Variants in EVPL observed in about 807,000 individuals in gnomAD.
EVPL encodes the protein envoplakin.
A neutral mutation model predicts 129.7 loss-of-function variants in EVPL; 94 were observed. That is an observed-to-expected ratio of 0.72 (90% CI 0.61 to 0.86). EVPL has a LOEUF of 0.86. Ranked by LOEUF, EVPL falls within the 40% of genes least tolerant of loss-of-function variation. The probability of loss-of-function intolerance (pLI) is 0.00; values close to 1 mark genes in which losing one functional copy is unlikely to be tolerated. For synonymous variants in EVPL, 1,172 were observed against 1,191.1 expected (o/e 0.98, Z 0.33); for missense variants, 2,625 against 2,721.1 (o/e 0.96, Z 0.79).
At chr17:76,021,638 C>G (rs1555625504) in intron 8 of EVPL, 36 bp downstream of exon 8, 4 of 1,567,060 alleles carry the variant, frequency 2.6e-6, no homozygotes, top group Non-Finnish European at 3.5e-6. Flanking sequence ...CCCCGCCCAC[C>G]ACGTCCCTTC....
At position 76,024,252 on chromosome 17, in the gene EVPL, C is replaced by G. The variant is rs1598246531; in HGVS notation, c.99-132G>C. On this transcript the variant is annotated intron_variant, in intron 1 of 21. Coordinates refer to ENST00000301607, the MANE Select transcript of EVPL (RefSeq NM_001988.4). The surrounding 1 kb of genome is among the most constrained non-coding windows in gnomAD (Gnocchi z 4.5). ...TAGCTCACTGCCCTGACTTTGGGGT[C>G]TCTCTCTGCAGAAGGCTCTGTGAGC... The G allele has an allele frequency of 1.2e-6, 1 of 814,586 alleles. No homozygotes were observed. The highest frequency in any genetic ancestry group is 2.0e-6 in the Non-Finnish European group (1 of 502,212). 50.5% of individuals were successfully genotyped at this position (814,586 alleles called of 1,614,324 possible).
rs1217132715 is a variant in EVPL at position 76,022,253 on chromosome 17, G to T, written c.607-26C>A. 4 of 1,612,814 alleles carry T rather than the reference G, an allele frequency of 2.5e-6. No homozygotes were observed. Among genetic ancestry groups the T allele is most frequent in the Non-Finnish European group, 3.4e-6 (4 of 1,179,712 alleles). ...CTGCCTCGACCAAGGGGAGAAACAA[G>T]CCCGTGAGAGGTGGGGTGCAGGGAG... On this transcript the variant is annotated intron_variant, in intron 5 of 21. Transcript: ENST00000301607. The surrounding 1 kb of genome is among the most constrained non-coding windows in gnomAD (Gnocchi z 5.6).
At chr17:76,015,130 G>A in intron 16 of EVPL, 21 bp from the exon 17 acceptor site, 1 of 1,569,316 alleles carries the variant, frequency 6.4e-7, no homozygotes, top group Non-Finnish European at 8.6e-7. Context: ...AGGGGACGCA[G>A]CCGTGCACCC....
In EVPL at chr17:76,008,443, C is replaced by A; in HGVS notation, c.4762G>T (p.Ala1588Ser). 6.3e-7 allele frequency: 1 copy of A among 1,592,072 alleles called. No homozygotes were observed. Among genetic ancestry groups the A allele is most frequent in the South Asian group, 1.1e-5 (1 of 89,836 alleles). Reference sequence around the variant, plus strand: ...TGCAGCCGCCCACACTCCTGGTCGGCCTGGTCCCGGGCCCTCTGCAGCTCG... The same window carrying A: ...TGCAGCCGCCCACACTCCTGGTCGGACTGGTCCCGGGCCCTCTGCAGCTCG... ...ESELQRARDQADQECGRLQQE... is the reference protein window; with the variant it reads ...ESELQRARDQSDQECGRLQQE... The change falls in exon 22 of 22, where the codon GCC (alanine) becomes TCC (serine). Residue 1588 changes from alanine to serine, a missense_variant. Coordinates refer to ENST00000301607, the MANE Select transcript of EVPL (RefSeq NM_001988.4). The surrounding 1 kb of genome is among the most constrained non-coding windows in gnomAD (Gnocchi z 7.4).
In EVPL at chr17:76,013,545, C is replaced by T. The variant is rs2066394626; in HGVS notation, c.2373+881G>A. 1.3e-5 allele frequency among the ~76,000 whole-genome samples: 2 copies of T among 152,174 alleles called. No homozygotes were observed. The highest frequency in any genetic ancestry group is 4.8e-5 in the African/African-American group (2 of 41,436). On this transcript the variant is annotated intron_variant, in intron 18 of 21. Coordinates refer to ENST00000301607, the MANE Select transcript of EVPL (RefSeq NM_001988.4). This position sits in a 1 kb window ranked among gnomAD's most constrained non-coding sequence, Gnocchi z 4.3. ...GCCTCAAGTGGAGGTGCCCCCTCTT[C>T]CCAGTTGTCCCCAACAGAACCCTGG...
intron 9 of EVPL, 42 bp downstream of exon 9, chr17:76,021,426 C>CCTGCCGCCCCTGCCGCCCCTGCCGCCT: frequency 6.4e-7 from 1 of 1,565,526 alleles, no homozygotes. Flanking sequence ...CCCTGCCGCC[C>CCTGCCGCCCCTGCCGCCCCTGCCGCCT]CTGCCGCCCC....
Position 76,009,906 on chromosome 17 carries a change from T to C in EVPL, c.3299A>G (p.Glu1100Gly), listed in dbSNP as rs980355073. 1.2e-6 allele frequency: 2 copies of C among 1,614,034 alleles called. No individual in the cohort carries two copies. The highest frequency in any genetic ancestry group is 1.7e-6 in the Non-Finnish European group (2 of 1,180,026). ...CTGCTTCCTCCGCGCAGCATCCTCC[T>C]CCATCTGCAGCCTCAGAGCCTGGGC... Reference protein sequence around the residue: ...KAAQALRLQMEEDAARRKQAE... With the variant: ...KAAQALRLQMGEDAARRKQAE... Residue 1100 changes from glutamate (E) to glycine (G), a missense_variant, in exon 22 of 22, where the codon GAG (glutamate) becomes GGG (glycine). Around this residue, in one of 4 missense-constraint regions of EVPL, gnomAD observed 1,453 missense variants for 1,511.8 expected, o/e 0.96. Transcript: ENST00000301607. This position sits in a 1 kb window ranked among gnomAD's most constrained non-coding sequence, Gnocchi z 5.9.
At chr17:76,026,628 C>T (rs1321811838) in intron 1 of EVPL, among the ~76,000 whole-genome samples, 4 of 152,192 alleles carry the variant, frequency 2.6e-5, no homozygotes, top group Non-Finnish European at 5.9e-5. Flanking sequence ...GATCCCACCC[C>T]GTCCCCTCAG....
rs966639247 is a variant in EVPL, at chr17:76,006,987, CAG to C, written c.*114_*115del. The C allele has an allele frequency of 2.5e-5, 28 of 1,142,842 alleles. No individual in the cohort carries two copies. The highest frequency in any genetic ancestry group is 1.7e-4 in the African/African-American group (11 of 63,132). 70.8% of individuals were successfully genotyped at this position (1,142,842 alleles called of 1,614,324 possible). On this transcript the variant is annotated 3_prime_UTR_variant, in exon 22 of 22. Coordinates refer to ENST00000301607, the MANE Select transcript of EVPL (RefSeq NM_001988.4). The stretch of plus-strand genomic sequence containing the variant: ...TCACCATGTTAGTAAAATAATAAAA[CAG>C]TGGTTGGACAGAGGGAAGACCCACT...
chr17:76,014,416 C>T lies in EVPL; in HGVS notation c.2373+10G>A, dbSNP rs970596913. 5.0e-6 allele frequency: 8 copies of T among 1,605,946 alleles called. No individual in the cohort carries two copies. The highest frequency in any genetic ancestry group is 1.3e-5 in the African/African-American group (1 of 74,750). ...ATGGGCACAGGCAGCTGTCCCTGCC[C>T]CAGCCTCACCTTCTGCGCCTGCAGC... On this transcript the variant is annotated intron_variant, in intron 18 of 21. Coordinates refer to ENST00000301607, the MANE Select transcript of EVPL (RefSeq NM_001988.4).
At position 76,024,120 on chromosome 17, in the gene EVPL, C is replaced by T; in HGVS notation, c.99G>A (p.Arg33=). 2 of 1,613,306 alleles carry T rather than the reference C, an allele frequency of 1.2e-6. No homozygotes were observed. Among genetic ancestry groups the T allele is most frequent in the South Asian group, 1.1e-5 (1 of 90,932 alleles). ...SPKGSPSRHS[R]AATQELALLI... is the part of the protein sequence containing the mutation. The stretch of plus-strand genomic sequence containing the variant: ...GAAGGGCCAGCTCCTGGGTGGCAGC[C>T]CTAGTGTGTGGAGGGGACAGCGGGT... Residue 33 remains arginine (R), a splice_region_variant and synonymous_variant, in exon 2 of 22, where the codon CGG becomes CGA. Transcript: ENST00000301607. This position sits in a 1 kb window ranked among gnomAD's most constrained non-coding sequence, Gnocchi z 4.5.
At position 76,007,492 on chromosome 17, in the gene EVPL, C is replaced by T. The variant is rs533991705; in HGVS notation, c.5713G>A (p.Gly1905Ser). 104 of 1,613,140 alleles carry T rather than the reference C, an allele frequency of 6.4e-5. No individual in the cohort carries two copies. In the South Asian group the frequency reaches 1.0e-3, roughly 16 times the overall value. The stretch of plus-strand genomic sequence containing the variant: ...TTCTTGGTGACGGGGTCCTCGATGC[C>T]GGTGAAGGCCTTCTGGGCGTTAAGC... ...RLLNAQKAFT[G>S]IEDPVTKKRL... Residue 1905 changes from glycine to serine, a missense_variant, in exon 22 of 22, where the codon GGC becomes AGC. This residue lies in a region of EVPL where 1,453 missense variants were observed against 1,511.8 expected (regional missense o/e 0.96). Transcript: ENST00000301607. The surrounding 1 kb of genome is among the most constrained non-coding windows in gnomAD (Gnocchi z 8.8).
In EVPL at chr17:76,019,551, TGGGGGCGCC is replaced by T. The variant is rs1464348683; in HGVS notation, c.1105_1113del (p.Gly369_Pro371del). On this transcript the variant is annotated inframe_deletion, in exon 10 of 22. Transcript: ENST00000301607. ...ACCTCCAGCTGTTGCAGCAGCTCTG[TGGGGGCGCC>T]AGGGGGGCCCCCAGGTGCAGGGCTG... The T allele has an allele frequency of 2.5e-6, 4 of 1,570,874 alleles. No individual in the cohort carries two copies. The highest frequency in any genetic ancestry group is 3.4e-6 in the Non-Finnish European group (4 of 1,163,110).
Position 76,015,301 on chromosome 17 carries a change from C to A in EVPL, c.1954G>T (p.Glu652Ter). The A allele has an allele frequency of 1.2e-6, 2 of 1,602,292 alleles. No individual in the cohort carries two copies. The highest frequency in any genetic ancestry group is 1.1e-5 in the South Asian group (1 of 90,520). ...QDADRVIRGFEATLVQEAPIP... is the reference protein window; with the variant it reads ...QDADRVIRGF ...GGGGCCTCCTGCACCAGGGTGGCCTCGAAGCCTCGGATGACCCTGTCCGCA... is the reference window on the plus strand; with the variant it reads ...GGGGCCTCCTGCACCAGGGTGGCCTAGAAGCCTCGGATGACCCTGTCCGCA... The change falls in exon 16 of 22, where the codon GAG (glutamate) becomes TAG (stop). Residue 652 changes from glutamate to a stop codon, truncating the protein, a stop_gained. Coordinates refer to ENST00000301607, the MANE Select transcript of EVPL (RefSeq NM_001988.4). LOFTEE classifies it high-confidence loss of function.
In EVPL at chr17:76,009,601, C is replaced by T; in HGVS notation, c.3604G>A (p.Val1202Met). ...ATCTCCTGCTCTGTCTCCGGATCCA[C>T]CTGGAAGATCTCGTGGACGCGCTCC... is the stretch of plus-strand genomic sequence containing the variant. Reference protein sequence around the residue: ...LQERVHEIFQVDPETEQEITR... With the variant: ...LQERVHEIFQMDPETEQEITR... The change falls in exon 22 of 22, where the codon GTG becomes ATG. Residue 1202 changes from valine to methionine, a missense_variant. By Grantham distance (21) the Val-to-Met change is conservative. Transcript: ENST00000301607. This position sits in a 1 kb window ranked among gnomAD's most constrained non-coding sequence, Gnocchi z 5.9. The T allele has an allele frequency of 1.9e-6, 3 of 1,614,070 alleles. No individual in the cohort carries two copies. Among genetic ancestry groups the T allele is most frequent in the Non-Finnish European group, 2.5e-6 (3 of 1,180,040 alleles).
intron 18 of EVPL, 39 bp downstream of exon 18, chr17:76,014,387 C>A: frequency 1.3e-6 from 2 of 1,584,378 alleles, no homozygotes. Flanking sequence ...CACTAGGGGG[C>A]CACATGGGCA....
Position 76,010,394 on chromosome 17 carries a change from C to A in EVPL, c.2811G>T (p.Ala937=). The A allele has an allele frequency of 6.2e-7, 1 of 1,614,002 alleles. No individual in the cohort carries two copies. The highest frequency in any genetic ancestry group is 8.5e-7 in the Non-Finnish European group (1 of 1,180,014). The change falls in exon 22 of 22, where the codon GCG becomes GCT. Residue 937 remains alanine, a synonymous_variant. Transcript: ENST00000301607. Reference sequence around the variant, plus strand: ...TCAGCTGCAGCAGTTGGCTCCTCTGCGCCTCCAGCTCATGCTGCACCCGGG... The same window carrying A: ...TCAGCTGCAGCAGTTGGCTCCTCTGAGCCTCCAGCTCATGCTGCACCCGGG... ...RVARVQHELE[A]QRSQLLQLRT...
At position 76,024,355 on chromosome 17, in the gene EVPL, TGGGGAGGG is replaced by T. The variant is rs879788723; in HGVS notation, c.99-243_99-236del. Among the ~76,000 whole-genome samples the T allele has an allele frequency of 0.018, 2,697 of 152,250 alleles. 39 individuals are homozygous for T. The highest frequency in any genetic ancestry group is 0.029 in the Non-Finnish European group (1,960 of 68,000). On this transcript the variant is annotated intron_variant, in intron 1 of 21. Coordinates refer to ENST00000301607, the MANE Select transcript of EVPL (RefSeq NM_001988.4). This position sits in a 1 kb window ranked among gnomAD's most constrained non-coding sequence, Gnocchi z 4.5. ...TGAGGGTCTCAGGTTTGTGTGGTGCTGGGGAGGGGGCAGGCGGCCTCGGTGTCCCAGCC... is the reference window on the plus strand; with the variant it reads ...TGAGGGTCTCAGGTTTGTGTGGTGCTGGCAGGCGGCCTCGGTGTCCCAGCC...
At position 76,014,915 on chromosome 17, in the gene EVPL, C is replaced by T; in HGVS notation, c.2222+1G>A. The T allele has an allele frequency of 6.3e-7, 1 of 1,579,290 alleles. No homozygotes were observed. Among genetic ancestry groups the T allele is most frequent in the Non-Finnish European group, 8.6e-7 (1 of 1,160,874 alleles). On this transcript the variant is annotated splice_donor_variant, in intron 17 of 21. Coordinates refer to ENST00000301607, the MANE Select transcript of EVPL (RefSeq NM_001988.4). LOFTEE classifies it high-confidence loss of function. ...TGTGCCCCGAGGACCCAGTCGCTCA[C>T]CGCAGGTCCAGCTGGTCCCCTACGG... is the stretch of plus-strand genomic sequence containing the variant.
Sources: gnomAD v4.1 joint callset for allele counts (sites outside exome capture counted in the v4.1 genomes callset) on GRCh38, gnomAD v4.1.1 for gene constraint, gnomAD v4.1.1 regional missense constraint, Gnocchi (gnomAD v3.1) non-coding constraint, MANE v1.5 for transcripts, NCBI Gene and HGNC (gene_info 2026-07-23, HGNC 2026-07-21) for gene names.